Variants in SYT16 observed in about 807,000 individuals in gnomAD.
SYT16 encodes the protein synaptotagmin-16.
In SYT16, 42 loss-of-function variants were observed where a neutral mutation model predicts 61.4. That is an observed-to-expected ratio of 0.68 (90% CI 0.53 to 0.89). The LOEUF is 0.89. Among genes scored for constraint, SYT16 ranks in the 40% least tolerant of loss-of-function variants. The probability of loss-of-function intolerance (pLI) is 0.00; values close to 1 mark genes in which losing one functional copy is unlikely to be tolerated. For missense variants in SYT16, 804 were observed against 807.3 expected (o/e 1.00, Z 0.05); for synonymous variants, 314 against 302.3 (o/e 1.04, Z -0.40).
At chr14:61,967,180 A>T (rs1264197673) in intron 1 of SYT16, among the ~76,000 whole-genome samples, 1 of 152,210 alleles carries the variant, frequency 6.6e-6, no homozygotes, top group Non-Finnish European at 1.5e-5. Flanking sequence ...GGTGTGACCT[A>T]CGTTTGGGGA....
Position 62,105,644 on chromosome 14 carries a change from T to C in SYT16, c.*4937T>C, listed in dbSNP as rs934816008. On this transcript the variant is annotated 3_prime_UTR_variant, in exon 8 of 8. Transcript: ENST00000683842. The stretch of plus-strand genomic sequence containing the variant: ...AATAGCGCATCCACTTGTTCTCAAG[T>C]GATTCAAACCTTGAGTAAAAAGGAG... 1.3e-5 allele frequency: 2 copies of C among 152,226 alleles called. No individual in the cohort carries two copies. The highest frequency in any genetic ancestry group is 2.9e-5 in the Non-Finnish European group (2 of 68,036). 9.4% of individuals were successfully genotyped at this position (152,226 alleles called of 1,614,324 possible). A position where few individuals can be genotyped will look rare whatever the true frequency, so the allele number is the denominator to read the frequency against.
In SYT16 at chr14:62,054,136, C is replaced by G. The variant is rs764534597; in HGVS notation, c.524-15467C>G. Reference sequence around the variant, plus strand: ...TCAGCATGTGTGTGATAGCAGGCATCCACGGCATAGAAGTGTTAGGGGAAA... The same window carrying G: ...TCAGCATGTGTGTGATAGCAGGCATGCACGGCATAGAAGTGTTAGGGGAAA... On this transcript the variant is annotated intron_variant, in intron 3 of 7. Transcript: ENST00000683842. Among the ~76,000 whole-genome samples, 62 of 152,174 alleles carry G rather than the reference C, an allele frequency of 4.1e-4. 1 individual carries two copies. The highest frequency in any genetic ancestry group is 1.3e-4 in the Non-Finnish European group (9 of 68,032).
At chr14:61,947,063 G>A (rs2050467106) in intron 1 of SYT16, among the ~76,000 whole-genome samples, 1 of 152,054 alleles carries the variant, frequency 6.6e-6, no homozygotes, top group Admixed American at 6.6e-5. Flanking sequence ...TGAGTTGTTG[G>A]AGGTTCTTGG....
intron 3 of SYT16, among the ~76,000 whole-genome samples, chr14:62,017,513 A>C (rs1022136158): frequency 1.3e-5 from 2 of 152,200 alleles, no homozygotes; most frequent in Non-Finnish European, 2.9e-5. Context: ...GCTTTCCACA[A>C]TTATGCTTAT....
intron 3 of SYT16, among the ~76,000 whole-genome samples, chr14:61,999,878 T>C (rs1421810075): frequency 2.0e-5 from 3 of 151,830 alleles, no homozygotes; most frequent in African/African-American, 4.8e-5. Context: ...TTTCTGTTGT[T>C]GATTTCTAGT....
chr14:61,992,067 C>T (rs1053265761), intron 2 of SYT16, among the ~76,000 whole-genome samples: 1 of 152,060 alleles, frequency 6.6e-6, no homozygotes, highest in East Asian at 1.9e-4. Flanking sequence ...CTTGTGGACT[C>T]CCAGTCCATT....
intron 1 of SYT16, among the ~76,000 whole-genome samples, chr14:61,934,512 T>C (rs980980057): frequency 6.6e-6 from 1 of 152,232 alleles, no homozygotes; most frequent in African/African-American, 2.4e-5. Flanking sequence ...AGAAATGATG[T>C]GGTTTGGGAC....
At chr14:61,857,006 G>T (rs999487968) in intron 1 of SYT16, among the ~76,000 whole-genome samples, 5 of 152,264 alleles carry the variant, frequency 3.3e-5, no homozygotes, top group South Asian at 4.2e-4. Context: ...ATCTTAGTTT[G>T]GGTTCTCTAA....
At chr14:62,046,595 T>A (rs1205374336) in intron 3 of SYT16, among the ~76,000 whole-genome samples, 1 of 152,254 alleles carries the variant, frequency 6.6e-6, no homozygotes, top group Admixed American at 6.5e-5. Flanking sequence ...AGGTCTAACA[T>A]TTAAGTCTTT....
intron 5 of SYT16, among the ~76,000 whole-genome samples, chr14:62,080,544 G>T (rs2056669792): frequency 6.6e-6 from 1 of 152,174 alleles, no homozygotes; most frequent in Non-Finnish European, 1.5e-5. Context: ...CTGGGCAATT[G>T]TGCTTTTTGA....
intron 1 of SYT16, among the ~76,000 whole-genome samples, chr14:61,846,062 A>G (rs2046438500): frequency 6.6e-6 from 1 of 152,078 alleles, no homozygotes; most frequent in African/African-American, 2.4e-5. Context: ...ATGTTTTAAG[A>G]CTTGTTTTTT....
rs79138410 is a variant in SYT16 at position 62,074,131 on chromosome 14, C to A, written c.737-1004C>A. Among the ~76,000 whole-genome samples, 766 of 152,226 alleles carry A rather than the reference C, an allele frequency of 5.0e-3. 5 individuals are homozygous for A. The highest frequency in any genetic ancestry group is 0.037 in the East Asian group (190 of 5,178). Reference sequence around the variant, plus strand: ...TCAATTTCTCTTTGGGTGTGGGAGGCAAATAGTGGGGGCAGCTATTTCTTA... The same window carrying A: ...TCAATTTCTCTTTGGGTGTGGGAGGAAAATAGTGGGGGCAGCTATTTCTTA... On this transcript the variant is annotated intron_variant, in intron 4 of 7. Transcript: ENST00000683842.
chr14:61,947,572 T>C (rs2050497106), intron 1 of SYT16, among the ~76,000 whole-genome samples: 1 of 152,170 alleles, frequency 6.6e-6, no homozygotes, highest in Non-Finnish European at 1.5e-5. Context: ...GACAGTTTAC[T>C]GATAGGGTTA....
chr14:61,857,528 G>A (rs1244080445), intron 1 of SYT16, among the ~76,000 whole-genome samples: 1 of 152,204 alleles, frequency 6.6e-6, no homozygotes, highest in African/African-American at 2.4e-5. Flanking sequence ...CAATGTAATG[G>A]AGTGGTGGGG....
chr14:62,110,512 T>A lies in SYT16; in HGVS notation c.*9805T>A, dbSNP rs1314330048. 1.3e-5 allele frequency: 2 copies of A among 152,144 alleles called. No homozygotes were observed. Among genetic ancestry groups the A allele is most frequent in the Non-Finnish European group, 2.9e-5 (2 of 67,984 alleles). 9.4% of individuals were successfully genotyped at this position (152,144 alleles called of 1,614,324 possible). On this transcript the variant is annotated 3_prime_UTR_variant, in exon 8 of 8. Transcript: ENST00000683842. ...TTTTATATTAAGGTCGTATCAACTCTTTATGTCAATATATCAAAGTAATTG... is the reference window on the plus strand; with the variant it reads ...TTTTATATTAAGGTCGTATCAACTCATTATGTCAATATATCAAAGTAATTG...
chr14:61,898,661 G>A (rs1045127812), intron 1 of SYT16, among the ~76,000 whole-genome samples: 4 of 152,184 alleles, frequency 2.6e-5, no homozygotes, highest in Admixed American at 6.5e-5. Flanking sequence ...GCACAGACAC[G>A]AGCTGAGAGT....
At chr14:61,976,615 TG>T (rs1364470687) in intron 2 of SYT16, among the ~76,000 whole-genome samples, 1 of 152,180 alleles carries the variant, frequency 6.6e-6, no homozygotes, top group Admixed American at 6.5e-5. Flanking sequence ...CACCCTGAGC[TG>T]TATGTTGGCC....
At chr14:61,964,315 C>G (rs2051224260) in intron 1 of SYT16, among the ~76,000 whole-genome samples, 2 of 152,142 alleles carry the variant, frequency 1.3e-5, no homozygotes, top group South Asian at 4.1e-4. Context: ...CATGGGAGGT[C>G]AAAATATCAA....
intron 1 of SYT16, among the ~76,000 whole-genome samples, chr14:61,931,752 A>T (rs866674374): frequency 6.6e-5 from 10 of 151,860 alleles, no homozygotes; most frequent in African/African-American, 9.7e-5. Flanking sequence ...CTTAGAATAA[A>T]TTTTTTTTTA....
Sources: gnomAD v4.1 joint callset for allele counts (sites outside exome capture counted in the v4.1 genomes callset) on GRCh38, gnomAD v4.1.1 for gene constraint, MANE v1.5 for transcripts, NCBI Gene and HGNC (gene_info 2026-07-23, HGNC 2026-07-21) for gene names.